Variants in HERC1 observed in about 807,000 individuals in gnomAD.
HERC1 encodes the protein HECT and RLD domain containing E3 ubiquitin protein ligase family member 1, also known as probable E3 ubiquitin-protein ligase HERC1.
In HERC1, 160 loss-of-function variants were observed where a neutral mutation model predicts 554.3. The observed-to-expected ratio is 0.29, with a 90% CI of 0.25 to 0.33. HERC1 has a LOEUF of 0.33. Ranked by LOEUF, HERC1 falls within the 10% of genes least tolerant of loss-of-function variation. HERC1 has a pLI of 1.00. For synonymous variants in HERC1, 2,175 were observed against 2,131.7 expected (o/e 1.02, Z -0.56); for missense variants, 4,919 against 5,918.5 (o/e 0.83, Z 5.54).
chr15:63,638,347 C>T, intron 63 of HERC1, 64 bp downstream of exon 63: 3 of 1,520,238 alleles, frequency 2.0e-6, no homozygotes, highest in Non-Finnish European at 2.7e-6. Flanking sequence ...CACAATAAGA[C>T]AAGCAAAAGA....
chr15:63,658,752 G>C, intron 47 of HERC1, 34 bp from the exon 48 acceptor site: 3 of 1,549,454 alleles, frequency 1.9e-6, no homozygotes, highest in Non-Finnish European at 2.6e-6. Context: ...TTCTCAACAA[G>C]GTAAGAAAAA....
intron 36 of HERC1, among the ~76,000 whole-genome samples, chr15:63,678,762 A>G (rs534832952): frequency 1.4e-4 from 21 of 152,320 alleles, no homozygotes; most frequent in African/African-American, 5.1e-4. Context: ...AGGGGTGCAA[A>G]AGTAAAATCA....
rs1595811411 is a variant in HERC1, at chr15:63,612,305, T to G, written c.14346A>C (p.Leu4782=). 6.2e-7 allele frequency: 1 copy of G among 1,613,726 alleles called. No homozygotes were observed. The highest frequency in any genetic ancestry group is 2.2e-5 in the East Asian group (1 of 44,868). The change falls in exon 77 of 78, where the codon CTA becomes CTC. Residue 4782 remains leucine (L), a synonymous_variant. Coordinates refer to ENST00000443617, the MANE Select transcript of HERC1 (RefSeq NM_003922.4). The surrounding 1 kb of genome is among the most constrained non-coding windows in gnomAD (Gnocchi z 5.0). ...FMRFVSGRSR[L]PANTADISQR... The stretch of plus-strand genomic sequence containing the variant: ...GAGAAATGTCAGCAGTGTTGGCTGG[T>G]AGTCGAGATCTTCCTGACACAAACC...
At chr15:63,759,353 G>A (rs1195151544) in intron 3 of HERC1, among the ~76,000 whole-genome samples, 5 of 152,162 alleles carry the variant, frequency 3.3e-5, no homozygotes, top group Non-Finnish European at 7.4e-5. Flanking sequence ...CATTTCTGTA[G>A]AATATAATGG....
Position 63,616,441 on chromosome 15 carries a change from T to G in HERC1, c.13930A>C (p.Ser4644Arg). The G allele has an allele frequency of 1.9e-6, 3 of 1,613,040 alleles. No individual in the cohort carries two copies. The highest frequency in any genetic ancestry group is 2.5e-6 in the Non-Finnish European group (3 of 1,179,260). Residue 4644 changes from serine (S) to arginine (R), a missense_variant, in exon 75 of 78, where the codon AGT becomes CGT. Ser to Arg is a moderately radical substitution (Grantham distance 110, BLOSUM62 -1). This residue lies in a region of HERC1 where 284 missense variants were observed against 294.1 expected (regional missense o/e 0.97). Transcript: ENST00000443617. The stretch of plus-strand genomic sequence containing the variant: ...TGGCCAGGATTTACCTCATGGAAAC[T>G]CTCCTCGGTAATCCCACTGTCTTCA... ...HIEDSGITEE[S>R]FHEMIPLDSF...
chr15:63,615,253 T>C (rs60618359), intron 76 of HERC1, among the ~76,000 whole-genome samples: 4 of 152,022 alleles, frequency 2.6e-5, no homozygotes, highest in African/African-American at 9.7e-5. Context: ...TCAGAACCGA[T>C]TTAAGGCACT....
intron 40 of HERC1, among the ~76,000 whole-genome samples, chr15:63,668,347 G>A (rs2070743138): frequency 6.6e-6 from 1 of 152,106 alleles, no homozygotes; most frequent in Non-Finnish European, 1.5e-5. Flanking sequence ...ACAGAAATTA[G>A]CTGGGTGTGG....
intron 69 of HERC1, 98 bp downstream of exon 69, chr15:63,630,368 A>G: frequency 8.6e-7 from 1 of 1,167,258 alleles, no homozygotes; most frequent in Non-Finnish European, 1.2e-6. Flanking sequence ...GGAGTATTGC[A>G]GTAGATTATG....
At chr15:63,805,234 A>T (rs2077101542) in intron 1 of HERC1, among the ~76,000 whole-genome samples, 1 of 152,196 alleles carries the variant, frequency 6.6e-6, no homozygotes, top group South Asian at 2.1e-4. Context: ...ATGGCATACT[A>T]CTCAGTAATA....
chr15:63,758,921 G>A lies in HERC1; in HGVS notation c.1027-552C>T, dbSNP rs575310003. ...CCAACTTTTTTTTTAAATAGATGGG[G>A]TCTCATTATCTTACACAGACTAGAC... On this transcript the variant is annotated intron_variant, in intron 3 of 77. Coordinates refer to ENST00000443617, the MANE Select transcript of HERC1 (RefSeq NM_003922.4). This position sits in a 1 kb window ranked among gnomAD's most constrained non-coding sequence, Gnocchi z 4.0. Among the ~76,000 whole-genome samples the A allele has an allele frequency of 6.6e-6, 1 of 151,888 alleles. No homozygotes were observed. Among genetic ancestry groups the A allele is most frequent in the African/African-American group, 2.4e-5 (1 of 41,412 alleles).
In HERC1 at chr15:63,678,369, T is replaced by A; in HGVS notation, c.6550-4A>T. The A allele has an allele frequency of 6.3e-7, 1 of 1,578,056 alleles. No individual in the cohort carries two copies. Among genetic ancestry groups the A allele is most frequent in the Non-Finnish European group, 8.6e-7 (1 of 1,164,168 alleles). On this transcript the variant is annotated splice_region_variant and splice_polypyrimidine_tract_variant and intron_variant, in intron 36 of 77. Coordinates refer to ENST00000443617, the MANE Select transcript of HERC1 (RefSeq NM_003922.4). ...TCTGCATATCACAAATTTTCACCTA[T>A]ATAAAAGTAAAGAGGGTGGAAAACA... is the stretch of plus-strand genomic sequence containing the variant.
At chr15:63,728,341 T>C (rs1447580508) in intron 16 of HERC1, among the ~76,000 whole-genome samples, 1 of 152,246 alleles carries the variant, frequency 6.6e-6, no homozygotes, top group Non-Finnish European at 1.5e-5. Flanking sequence ...CATGTGTTTT[T>C]ATAATCCATA....
chr15:63,645,347 T>A (rs2069279884), intron 56 of HERC1, 136 bp downstream of exon 56: 1 of 703,154 alleles, frequency 1.4e-6, no homozygotes, highest in Non-Finnish European at 2.3e-6. Context: ...TCTGAGGTAA[T>A]CTTATAATGT....
intron 1 of HERC1, among the ~76,000 whole-genome samples, chr15:63,812,676 T>A (rs933776690): frequency 1.3e-5 from 2 of 152,144 alleles, no homozygotes; most frequent in Non-Finnish European, 2.9e-5. Context: ...GAATGTATAT[T>A]ATACTTTGAT....
chr15:63,697,864 C>G (rs1218519534), intron 26 of HERC1, among the ~76,000 whole-genome samples: 1 of 152,220 alleles, frequency 6.6e-6, no homozygotes, highest in Non-Finnish European at 1.5e-5. Flanking sequence ...CTAAGTCCAG[C>G]TCACTCTCAA....
At chr15:63,768,665 G>C (rs898307642) in intron 2 of HERC1, among the ~76,000 whole-genome samples, 15 of 152,290 alleles carry the variant, frequency 9.8e-5, no homozygotes, top group African/African-American at 3.4e-4. Flanking sequence ...GGGCCATCAT[G>C]ATCCCTCTTT....
At position 63,749,288 on chromosome 15, in the gene HERC1, C is replaced by G; in HGVS notation, c.2219+79G>C. The G allele has an allele frequency of 1.9e-6, 2 of 1,079,536 alleles. No homozygotes were observed. The allele number at this position is 1,079,536 out of a possible 1,614,324, so 66.9% of individuals were successfully genotyped here. A position where few individuals can be genotyped will look rare whatever the true frequency, so the allele number is the denominator to read the frequency against. The stretch of plus-strand genomic sequence containing the variant: ...TTTTATGAACAAAGCACAATTATTT[C>G]TGTTTTTATTAGTGTTTCTACTTTT... On this transcript the variant is annotated intron_variant, in intron 10 of 77. Coordinates refer to ENST00000443617, the MANE Select transcript of HERC1 (RefSeq NM_003922.4). This position sits in a 1 kb window ranked among gnomAD's most constrained non-coding sequence, Gnocchi z 4.1.
chr15:63,745,519 C>A (rs1353084921), intron 12 of HERC1, among the ~76,000 whole-genome samples: 4 of 152,188 alleles, frequency 2.6e-5, no homozygotes, highest in Non-Finnish European at 5.9e-5. Context: ...TGGTCCAGTT[C>A]TCCTTTCTGC....
chr15:63,640,458 A>T lies in HERC1; in HGVS notation c.11608-13T>A. On this transcript the variant is annotated splice_polypyrimidine_tract_variant and intron_variant, in intron 60 of 77. Coordinates refer to ENST00000443617, the MANE Select transcript of HERC1 (RefSeq NM_003922.4). ...AAACCACATGAGGCTAAAACAAAATACAAGGATATAATATGTCAAAGAGTT... is the reference window on the plus strand; with the variant it reads ...AAACCACATGAGGCTAAAACAAAATTCAAGGATATAATATGTCAAAGAGTT... 6.2e-7 allele frequency: 1 copy of T among 1,603,106 alleles called. No individual in the cohort carries two copies. Among genetic ancestry groups the T allele is most frequent in the Non-Finnish European group, 8.5e-7 (1 of 1,170,904 alleles).
Sources: allele counts gnomAD v4.1 joint callset (sites outside exome capture counted in the v4.1 genomes callset), GRCh38; gene constraint gnomAD v4.1.1; regional missense constraint gnomAD v4.1.1; non-coding constraint Gnocchi (gnomAD v3.1); transcripts MANE v1.5; gene names NCBI Gene and HGNC (gene_info 2026-07-23, HGNC 2026-07-21).